ANK2: variants seen among roughly 807,000 people sequenced by gnomAD.
ANK2 encodes the protein ankyrin 2, also known as ankyrin-2.
In ANK2, 83 loss-of-function variants were observed where a neutral mutation model predicts 360.5. That is an observed-to-expected ratio of 0.23 (90% CI 0.19 to 0.28). The LOEUF (loss-of-function observed/expected upper bound fraction) is 0.28. Among genes scored for constraint, ANK2 ranks in the 10% least tolerant of loss-of-function variants. The pLI, the probability that ANK2 is intolerant of heterozygous loss-of-function variation, is 1.00. For missense variants in ANK2, 4,201 were observed against 4,795.7 expected, an observed-to-expected ratio of 0.88 and a Z score of 3.66; for synonymous variants, 1,740 against 1,759.5, an observed-to-expected ratio of 0.99 and a Z score of 0.28.
intron 1 of ANK2, among the ~76,000 whole-genome samples, chr4:113,100,026 G>A (rs1267465327): frequency 1.3e-5 from 2 of 152,008 alleles, no homozygotes; most frequent in Admixed American, 1.3e-4. Context: ...ACTTCTAGAA[G>A]ATAACATAGC....
At chr4:112,719,565 A>C in the ANK2 span, among the ~76,000 whole-genome samples, 12 of 151,950 alleles carry the variant, frequency 7.9e-5, no homozygotes, top group African/African-American at 2.7e-4. Context: ...CGCCTCTACT[A>C]AATATACAAA....
At chr4:113,059,257 T>G (rs1028541250) in intron 1 of ANK2, among the ~76,000 whole-genome samples, 1 of 152,152 alleles carries the variant, frequency 6.6e-6, no homozygotes, top group Non-Finnish European at 1.5e-5. Flanking sequence ...TGTATTAGAT[T>G]GTGTATAGCC....
At chr4:113,136,761 C>CTTT (rs112865867) in intron 1 of ANK2, among the ~76,000 whole-genome samples, 9 of 139,736 alleles carry the variant, frequency 6.4e-5, no homozygotes, top group South Asian at 2.3e-4. Flanking sequence ...AGGATTTTGG[C>CTTT]TTTTTTTTTT....
At chr4:112,722,822 T>C in the ANK2 span, among the ~76,000 whole-genome samples, 4 of 152,052 alleles carry the variant, frequency 2.6e-5, no homozygotes, top group East Asian at 7.7e-4. Flanking sequence ...GAAAAGGCCA[T>C]GTATGATGGC....
At chr4:112,922,596 AG>A (rs1335843575) in intron 2 of ANK2, among the ~76,000 whole-genome samples, 1 of 152,224 alleles carries the variant, frequency 6.6e-6, no homozygotes, top group Non-Finnish European at 1.5e-5. Context: ...TATTTGTGAT[AG>A]TAGCATAGAC....
At chr4:112,788,371 A>T in the ANK2 span, 1 of 1,555,986 alleles carries the variant, frequency 6.4e-7, no homozygotes, top group Non-Finnish European at 8.7e-7. Flanking sequence ...GACATAGGGC[A>T]GGCAAGAAGA....
intron 2 of ANK2, among the ~76,000 whole-genome samples, chr4:112,923,214 T>C (rs2091930435): frequency 6.6e-6 from 1 of 152,182 alleles, no homozygotes; most frequent in Non-Finnish European, 1.5e-5. Context: ...AATACATTTA[T>C]ATTCCAATAC....
At chr4:113,233,106 G>GTT (rs1156385030) in intron 5 of ANK2, among the ~76,000 whole-genome samples, 1 of 79,646 alleles carries the variant, frequency 1.3e-5, no homozygotes, top group African/African-American at 4.6e-5. Flanking sequence ...TGGCTTTTCT[G>GTT]TTTTTTTTTT....
At chr4:112,915,362 T>C (rs2089381195) in intron 2 of ANK2, among the ~76,000 whole-genome samples, 1 of 152,120 alleles carries the variant, frequency 6.6e-6, no homozygotes, top group Non-Finnish European at 1.5e-5. Flanking sequence ...AAAATAAGAC[T>C]TTAAATAGAT....
intron 4 of ANK2, among the ~76,000 whole-genome samples, chr4:113,217,603 G>C (rs908342795): frequency 6.6e-6 from 1 of 152,108 alleles, no homozygotes; most frequent in African/African-American, 2.4e-5. Flanking sequence ...GCGCAACCTA[G>C]ATCCCTTTCA....
chr4:113,353,650 G>A lies in ANK2; in HGVS notation c.5032G>A (p.Glu1678Lys), dbSNP rs543920984. 21 of 1,614,048 alleles carry A rather than the reference G, an allele frequency of 1.3e-5. No individual in the cohort carries two copies. The highest frequency in any genetic ancestry group is 1.6e-4 in the Middle Eastern group (1 of 6,062). Residue 1678 changes from glutamate (E) to lysine (K), a missense_variant, in exon 38 of 46, where the codon GAA (glutamate) becomes AAA (lysine). Glu to Lys is a moderately conservative substitution (Grantham distance 56). Coordinates refer to ENST00000357077, the MANE Select transcript of ANK2 (RefSeq NM_001148.6). Reference sequence around the variant, plus strand: ...GGCTGTTGGCAGGAGCTCTGAAAAGGAAGGGAAAGACATACCCCCAGATGA... The same window carrying A: ...GGCTGTTGGCAGGAGCTCTGAAAAGAAAGGGAAAGACATACCCCCAGATGA... The part of the protein sequence containing the change: ...ALAVGRSSEK[E>K]GKDIPPDETQ...
the ANK2 span, among the ~76,000 whole-genome samples, chr4:112,710,611 T>G: frequency 6.6e-6 from 1 of 151,346 alleles, no homozygotes; most frequent in Non-Finnish European, 1.5e-5. Context: ...GGCAGGAGAA[T>G]AGCTTGGACT....
chr4:113,048,252 A>G (rs201949792), upstream of ANK2, among the ~76,000 whole-genome samples: 184 of 22,280 alleles, frequency 8.3e-3, 3 homozygotes, highest in East Asian at 0.089. Context: ...AAGTGTGTAT[A>G]TATATATATA....
chr4:112,830,376 C>T (rs188863461), intron 1 of ANK2, among the ~76,000 whole-genome samples: 2 of 152,280 alleles, frequency 1.3e-5, no homozygotes, highest in African/African-American at 4.8e-5. Context: ...AGGCCATTAT[C>T]CTAAGCAAAT....
chr4:113,171,277 C>G (rs1253116421), intron 1 of ANK2, among the ~76,000 whole-genome samples: 1 of 152,272 alleles, frequency 6.6e-6, no homozygotes. Flanking sequence ...GATAACCAGG[C>G]TAACCACTGT....
In ANK2 at chr4:113,356,382, G is replaced by A; in HGVS notation, c.7764G>A (p.Met2588Ile). The change falls in exon 38 of 46, where the codon ATG becomes ATA. Residue 2588 changes from methionine to isoleucine, a missense_variant. Physicochemically the swap from Met to Ile is conservative, Grantham distance 10. Around this residue, in one of 4 missense-constraint regions of ANK2, gnomAD observed 2,642 missense variants for 2,714.5 expected, o/e 0.97. Coordinates refer to ENST00000357077, the MANE Select transcript of ANK2 (RefSeq NM_001148.6). ...AGAGGTTCACACCTGAAGAGGAGAT[G>A]TTTAAAATGGTAACCAAAATCAAAA... ...EKKRFTPEEE[M>I]FKMVTKIKMF... 6.2e-7 allele frequency: 1 copy of A among 1,614,174 alleles called. No homozygotes were observed. The highest frequency in any genetic ancestry group is 8.5e-7 in the Non-Finnish European group (1 of 1,179,994).
the ANK2 span, among the ~76,000 whole-genome samples, chr4:112,763,114 G>GGC: frequency 6.6e-6 from 1 of 152,142 alleles, no homozygotes; most frequent in East Asian, 1.9e-4. Context: ...TAAGAGTGGG[G>GGC]GCTGGGCGCG....
intron 32 of ANK2, among the ~76,000 whole-genome samples, chr4:113,340,383 T>C (rs764155133): frequency 1.3e-5 from 2 of 152,176 alleles, no homozygotes. Context: ...ATTATCCATG[T>C]AGTCTATAAT....
At chr4:112,716,384 A>G in the ANK2 span, among the ~76,000 whole-genome samples, 1 of 152,208 alleles carries the variant, frequency 6.6e-6, no homozygotes, top group Non-Finnish European at 1.5e-5. Flanking sequence ...GGTGTAAACC[A>G]CCACACTGGG....
Sources: gnomAD v4.1 joint callset for allele counts (sites outside exome capture counted in the v4.1 genomes callset) on GRCh38, gnomAD v4.1.1 for gene constraint, gnomAD v4.1.1 regional missense constraint, MANE v1.5 for transcripts, NCBI Gene and HGNC (gene_info 2026-07-23, HGNC 2026-07-21) for gene names.